Variants in FUT8 observed in about 807,000 individuals in gnomAD.
FUT8 encodes fucosyltransferase 8, also known as alpha-(1,6)-fucosyltransferase.
A neutral mutation model predicts 71.3 loss-of-function variants in FUT8; 29 were observed. The observed-to-expected ratio is 0.41, with a 90% CI of 0.30 to 0.55. The LOEUF is 0.55. Ranked by LOEUF, FUT8 falls within the 20% of genes least tolerant of loss-of-function variation. The pLI is 0.34. For synonymous variants in FUT8, 254 were observed against 239.3 expected (o/e 1.06, Z -0.57); for missense variants, 544 against 702.1 (o/e 0.77, Z 2.55).
chr14:65,438,259 A>C (rs188801730), intron 1 of FUT8, among the ~76,000 whole-genome samples: 22 of 149,820 alleles, frequency 1.5e-4, no homozygotes, highest in African/African-American at 5.2e-4. Context: ...TTACAACAGA[A>C]ATTAGGCAGT....
At chr14:65,511,146 T>G (rs1158061903) in intron 2 of FUT8, among the ~76,000 whole-genome samples, 1 of 152,142 alleles carries the variant, frequency 6.6e-6, no homozygotes, top group South Asian at 2.1e-4. Flanking sequence ...AATTTTCTTC[T>G]TAATTTCTTC....
chr14:65,481,299 G>A (rs1176533359), intron 2 of FUT8, among the ~76,000 whole-genome samples: 1 of 152,024 alleles, frequency 6.6e-6, no homozygotes, highest in African/African-American at 2.4e-5. Context: ...TGTTGAGTCA[G>A]ATTTTTTGTT....
rs773940971 is a variant in FUT8 at position 65,561,678 on chromosome 14, T to C, written c.115T>C (p.Ser39Pro). 13 of 1,613,598 alleles carry C rather than the reference T, an allele frequency of 8.1e-6. No homozygotes were observed. The highest frequency in any genetic ancestry group is 1.0e-5 in the Non-Finnish European group (12 of 1,179,642). ...LVRDNDHPDH[S>P]SRELSKILAK... ...ACGAGATAATGACCATCCTGATCAC[T>C]CTAGCCGAGAACTGTCCAAGATTCT... is the stretch of plus-strand genomic sequence containing the variant. Residue 39 changes from serine (S) to proline (P), a missense_variant, in exon 3 of 11, where the codon TCT becomes CCT. Physicochemically the swap from Ser to Pro is moderately conservative, Grantham distance 74. Coordinates refer to ENST00000673929, the MANE Select transcript of FUT8 (RefSeq NM_001371533.1).
At chr14:65,595,176 C>T (rs1217556781) in intron 3 of FUT8, among the ~76,000 whole-genome samples, 2 of 152,092 alleles carry the variant, frequency 1.3e-5, no homozygotes, top group African/African-American at 4.8e-5. Context: ...TTGATAATGG[C>T]ATTTATCTGG....
At chr14:65,723,531 A>G (rs1895533127) in intron 8 of FUT8, among the ~76,000 whole-genome samples, 1 of 152,194 alleles carries the variant, frequency 6.6e-6, no homozygotes. Flanking sequence ...CATTATGCCC[A>G]CAACAGAAGG....
the FUT8 span, among the ~76,000 whole-genome samples, chr14:65,379,994 C>T: frequency 6.6e-6 from 1 of 152,204 alleles, no homozygotes; most frequent in African/African-American, 2.4e-5. Context: ...GAATCACTTC[C>T]CCAAAGGCCC....
At chr14:65,568,828 C>T (rs1282647316) in intron 3 of FUT8, among the ~76,000 whole-genome samples, 1 of 151,516 alleles carries the variant, frequency 6.6e-6, no homozygotes, top group Non-Finnish European at 1.5e-5. Context: ...TAATTGGCCA[C>T]ATATTTTTTC....
At chr14:65,725,989 C>T (rs1222470559) in intron 9 of FUT8, among the ~76,000 whole-genome samples, 2 of 152,214 alleles carry the variant, frequency 1.3e-5, no homozygotes, top group Non-Finnish European at 2.9e-5. Flanking sequence ...TATGCACACA[C>T]TACCATATAC....
chr14:65,580,070 T>TTA lies in FUT8; in HGVS notation c.203+18323_203+18324dup, dbSNP rs59069113. On this transcript the variant is annotated intron_variant, in intron 3 of 10. Transcript: ENST00000673929. ...TTCAAAATACTGATAGTGCTATATT[T>TTA]TATATATATATATATATATAGTCAT... 4.4e-3 allele frequency among the ~76,000 whole-genome samples: 626 copies of TTA among 142,596 alleles called. 18 individuals are homozygous for TTA. The highest frequency in any genetic ancestry group is 0.011 in the African/African-American group (410 of 38,060). The allele number at this position is 142,596 out of a possible 152,430, so 93.5% of individuals were successfully genotyped here.
At chr14:65,461,852 C>T (rs2065973561) in intron 2 of FUT8, among the ~76,000 whole-genome samples, 1 of 152,128 alleles carries the variant, frequency 6.6e-6, no homozygotes, top group African/African-American at 2.4e-5. Flanking sequence ...GTTTATATAG[C>T]AGGGAAGACA....
chr14:65,559,773 T>TA (rs1162787442), intron 2 of FUT8, among the ~76,000 whole-genome samples: 1 of 152,084 alleles, frequency 6.6e-6, no homozygotes, highest in Non-Finnish European at 1.5e-5. Flanking sequence ...AGATGAAAAG[T>TA]AGGGGATACC....
chr14:65,717,226 G>A (rs376554537), intron 7 of FUT8, among the ~76,000 whole-genome samples: 9 of 117,240 alleles, frequency 7.7e-5, no homozygotes, highest in Admixed American at 2.5e-4. Flanking sequence ...CAGACGGGGC[G>A]GCCGGGCAGA....
At chr14:65,392,223 C>T in the FUT8 span, among the ~76,000 whole-genome samples, 33 of 152,308 alleles carry the variant, frequency 2.2e-4, no homozygotes, top group South Asian at 6.6e-3. Context: ...TGAGCCACCG[C>T]GCCCGGCTAA....
chr14:65,626,206 T>A (rs1889887386), intron 5 of FUT8, among the ~76,000 whole-genome samples: 1 of 150,960 alleles, frequency 6.6e-6, no homozygotes. Context: ...AACAACTCTC[T>A]GAGGACCTCT....
intron 2 of FUT8, among the ~76,000 whole-genome samples, chr14:65,538,160 C>T (rs1337349632): frequency 6.6e-6 from 1 of 152,200 alleles, no homozygotes; most frequent in Non-Finnish European, 1.5e-5. Context: ...GATGCTCCCA[C>T]ACCAAACCCT....
the FUT8 span, among the ~76,000 whole-genome samples, chr14:65,367,330 G>A: frequency 6.6e-6 from 1 of 152,152 alleles, no homozygotes; most frequent in Non-Finnish European, 1.5e-5. Context: ...GCCTCAGTGG[G>A]ATGAGATCTC....
Position 65,742,144 on chromosome 14 carries a change from G to T in FUT8, c.1462G>T (p.Ala488Ser), listed in dbSNP as rs759864029. The T allele has an allele frequency of 6.2e-7, 1 of 1,613,030 alleles. No individual in the cohort carries two copies. The highest frequency in any genetic ancestry group is 1.7e-5 in the Admixed American group (1 of 59,892). Residue 488 changes from alanine (A) to serine (S), a missense_variant, in exon 11 of 11, where the codon GCA (alanine) becomes TCA (serine). By Grantham distance (99) the Ala-to-Ser change is moderately conservative (BLOSUM62 1). Transcript: ENST00000673929. ...IMQTLHPDAS[A>S]NFHSLDDIYY... ...GCAAACACTACATCCTGATGCCTCTGCAAACTTCCATTCTTTAGATGACAT... is the reference window on the plus strand; with the variant it reads ...GCAAACACTACATCCTGATGCCTCTTCAAACTTCCATTCTTTAGATGACAT...
chr14:65,556,024 A>T (rs1036968757), intron 2 of FUT8, among the ~76,000 whole-genome samples: 3 of 152,250 alleles, frequency 2.0e-5, no homozygotes, highest in Non-Finnish European at 2.9e-5. Flanking sequence ...TTGAATGCCT[A>T]TTCTGTGCCC....
intron 1 of FUT8, among the ~76,000 whole-genome samples, chr14:65,429,708 A>G (rs1023256603): frequency 8.6e-5 from 13 of 151,876 alleles, no homozygotes; most frequent in African/African-American, 3.1e-4. Context: ...ACAAATAATT[A>G]AAAAATCAGC....
Sources: allele counts gnomAD v4.1 joint callset (sites outside exome capture counted in the v4.1 genomes callset), GRCh38; gene constraint gnomAD v4.1.1; transcripts MANE v1.5; gene names NCBI Gene and HGNC (gene_info 2026-07-23, HGNC 2026-07-21).